SPIRE2: variants seen among roughly 807,000 people sequenced by gnomAD.
SPIRE2 encodes spire type actin nucleation factor 2.
SPIRE2 carries 76 observed loss-of-function variants against 80.7 expected under a neutral mutation model. The observed-to-expected ratio is 0.94, with a 90% CI of 0.78 to 1.14. SPIRE2 has a LOEUF of 1.14. SPIRE2 is among the 50% of genes most tolerant of loss of function. The probability of loss-of-function intolerance (pLI) is 0.00; values close to 1 mark genes in which losing one functional copy is unlikely to be tolerated. For synonymous variants in SPIRE2, 535 were observed against 432.6 expected (o/e 1.24, Z -2.94); for missense variants, 1,196 against 1,015.3 (o/e 1.18, Z -2.42).
rs116803486 is a variant in SPIRE2 at position 89,863,355 on chromosome 16, G to A, written c.1576-121G>A. ...ATGGACAAGATGGCTGATGGACAGC[G>A]TTTTAGAAGGTCGCAGGCTTGTTTA... On this transcript the variant is annotated intron_variant, in intron 10 of 14. Coordinates refer to ENST00000378247, the MANE Select transcript of SPIRE2 (RefSeq NM_032451.2). This position sits in a 1 kb window ranked among gnomAD's most constrained non-coding sequence, Gnocchi z 4.3. The A allele has an allele frequency of 2.9e-3, 3,146 of 1,088,460 alleles. 62 individuals carry two copies. The African/African-American group carries it at 0.043, about 15-fold the overall frequency. 67.4% of individuals were successfully genotyped at this position (1,088,460 alleles called of 1,614,324 possible). A position where few individuals can be genotyped will look rare whatever the true frequency, so the allele number is the denominator to read the frequency against.
intron 1 of SPIRE2, among the ~76,000 whole-genome samples, chr16:89,836,961 C>T (rs1411711333): frequency 6.6e-6 from 1 of 152,136 alleles, no homozygotes; most frequent in East Asian, 1.9e-4. Flanking sequence ...CGCCATTGCA[C>T]TCCAGCCTAG....
intron 3 of SPIRE2, 76 bp downstream of exon 3, chr16:89,850,736 A>G: frequency 9.1e-7 from 1 of 1,098,778 alleles, no homozygotes; most frequent in African/African-American, 1.7e-5. Context: ...GGGGACTGGC[A>G]AGGACGTCTC....
In SPIRE2 at chr16:89,870,465, T is replaced by G; in HGVS notation, c.*193T>G. ...TTCAGGCGCACTTCAAAACCCTCCC[T>G]GGGGGAGGCTGTTTCTTCTCAGGAT... On this transcript the variant is annotated 3_prime_UTR_variant, in exon 15 of 15. Coordinates refer to ENST00000378247, the MANE Select transcript of SPIRE2 (RefSeq NM_032451.2). 1 of 516,688 alleles carries G rather than the reference T, an allele frequency of 1.9e-6. No individual in the cohort carries two copies. The allele number at this position is 516,688 out of a possible 1,614,324, so 32.0% of individuals were successfully genotyped here. A position where few individuals can be genotyped will look rare whatever the true frequency, so the allele number is the denominator to read the frequency against.
intron 1 of SPIRE2, among the ~76,000 whole-genome samples, chr16:89,830,583 A>T (rs562451323): frequency 6.6e-6 from 1 of 151,034 alleles, no homozygotes; most frequent in South Asian, 2.1e-4. Flanking sequence ...ATGCATACTT[A>T]TTTCTCCCTG....
rs1042348449 is a variant in SPIRE2, at chr16:89,850,768, C to T, written c.645+108C>T. 3.2e-5 allele frequency: 25 copies of T among 787,028 alleles called. No homozygotes were observed. The Admixed American group carries it at 6.3e-4, about 20-fold the overall frequency. 48.8% of individuals were successfully genotyped at this position (787,028 alleles called of 1,614,324 possible). ...TCTCTTCGTGGACAGAAAGTCAGGTCGTCGGTGCGACTGCCGCTGGCATTA... is the reference window on the plus strand; with the variant it reads ...TCTCTTCGTGGACAGAAAGTCAGGTTGTCGGTGCGACTGCCGCTGGCATTA... On this transcript the variant is annotated intron_variant, in intron 3 of 14. Coordinates refer to ENST00000378247, the MANE Select transcript of SPIRE2 (RefSeq NM_032451.2).
chr16:89,855,151 G>A (rs966759003), intron 5 of SPIRE2, among the ~76,000 whole-genome samples: 3 of 152,262 alleles, frequency 2.0e-5, no homozygotes, highest in Non-Finnish European at 2.9e-5. Context: ...TGTTAGCCAC[G>A]ATGGTCTCGA....
chr16:89,864,593 C>T lies in SPIRE2; in HGVS notation c.1778+732C>T, dbSNP rs140518974. 2.9e-3 allele frequency among the ~76,000 whole-genome samples: 443 copies of T among 152,314 alleles called. 3 individuals carry two copies. The highest frequency in any genetic ancestry group is 0.01 in the African/African-American group (428 of 41,568). ...GATCTGAAGGGACGGTGCTCAGGGG[C>T]AGGAATGAGTAACATCGGTTTCCAC... On this transcript the variant is annotated intron_variant, in intron 12 of 14. Coordinates refer to ENST00000378247, the MANE Select transcript of SPIRE2 (RefSeq NM_032451.2).
At position 89,856,254 on chromosome 16, in the gene SPIRE2, A is replaced by C; in HGVS notation, c.1102+18A>C. 1 of 1,555,722 alleles carries C rather than the reference A, an allele frequency of 6.4e-7. No homozygotes were observed. The highest frequency in any genetic ancestry group is 8.7e-7 in the Non-Finnish European group (1 of 1,150,132). On this transcript the variant is annotated intron_variant, in intron 7 of 14. Coordinates refer to ENST00000378247, the MANE Select transcript of SPIRE2 (RefSeq NM_032451.2). The stretch of plus-strand genomic sequence containing the variant: ...TGCCCGCGGTGAGTGAGGGGATGGC[A>C]GGAGAAGAGAGCCCTGAGCCCCCGG...
intron 1 of SPIRE2, among the ~76,000 whole-genome samples, chr16:89,843,844 T>C: frequency 7.2e-6 from 1 of 139,476 alleles, no homozygotes; most frequent in Admixed American, 7.5e-5. Context: ...GGACTACATA[T>C]ATGCACTACC....
At position 89,863,632 on chromosome 16, in the gene SPIRE2, G is replaced by A. The variant is rs560948509; in HGVS notation, c.1710+22G>A. On this transcript the variant is annotated intron_variant, in intron 11 of 14. Transcript: ENST00000378247. This position sits in a 1 kb window ranked among gnomAD's most constrained non-coding sequence, Gnocchi z 4.3. Reference sequence around the variant, plus strand: ...GAAGGTGAGGCTGCCTAGACGTGGGGCTACGCTCTTGCCCGCTGGGTCAGG... The same window carrying A: ...GAAGGTGAGGCTGCCTAGACGTGGGACTACGCTCTTGCCCGCTGGGTCAGG... 1 of 1,614,056 alleles carries A rather than the reference G, an allele frequency of 6.2e-7. No individual in the cohort carries two copies. The highest frequency in any genetic ancestry group is 2.2e-5 in the East Asian group (1 of 44,894).
intron 1 of SPIRE2, among the ~76,000 whole-genome samples, chr16:89,835,889 T>C (rs1053881975): frequency 1.3e-5 from 2 of 151,938 alleles, no homozygotes; most frequent in African/African-American, 4.8e-5. Flanking sequence ...AAAAGGAGTG[T>C]ATGGGCCAGG....
intron 8 of SPIRE2, 100 bp downstream of exon 8, chr16:89,858,607 C>T (rs931373115): frequency 1.3e-5 from 15 of 1,193,010 alleles, no homozygotes; most frequent in Non-Finnish European, 1.5e-5. Context: ...GCAGCAATTG[C>T]GGTGTCTCCT....
intron 1 of SPIRE2, chr16:89,836,345 C>G: frequency 2.4e-6 from 1 of 421,764 alleles, no homozygotes; most frequent in South Asian, 1.6e-5. Context: ...CTTTAGGGGC[C>G]GTGATTCTGC....
Position 89,854,650 on chromosome 16 carries a change from T to C in SPIRE2, c.890T>C (p.Met297Thr). The C allele has an allele frequency of 6.2e-7, 1 of 1,611,284 alleles. No homozygotes were observed. Among genetic ancestry groups the C allele is most frequent in the East Asian group, 2.2e-5 (1 of 44,822 alleles). The change falls in exon 5 of 15, where the codon ATG becomes ACG. Residue 297 changes from methionine (M) to threonine (T), a missense_variant and splice_region_variant. Met to Thr is a moderately conservative substitution (Grantham distance 81, BLOSUM62 -1). Coordinates refer to ENST00000378247, the MANE Select transcript of SPIRE2 (RefSeq NM_032451.2). Reference sequence around the variant, plus strand: ...CGGAACTACAAGCTGCGCAAGGTCATGGTGAGCGGGGCAGACGCAGAGGGG... The same window carrying C: ...CGGAACTACAAGCTGCGCAAGGTCACGGTGAGCGGGGCAGACGCAGAGGGG... Reference protein sequence around the residue: ...RARNYKLRKVMVDGDIPPRVK... With the variant: ...RARNYKLRKVTVDGDIPPRVK...
At chr16:89,841,376 C>T (rs2041504028) in intron 1 of SPIRE2, among the ~76,000 whole-genome samples, 1 of 152,136 alleles carries the variant, frequency 6.6e-6, no homozygotes, top group South Asian at 2.1e-4. Context: ...CCTCCGTCTG[C>T]TCTACCCTGG....
At chr16:89,851,009 C>G (rs190532485) in intron 3 of SPIRE2, among the ~76,000 whole-genome samples, 1 of 151,926 alleles carries the variant, frequency 6.6e-6, no homozygotes, top group South Asian at 2.1e-4. Flanking sequence ...GTAGTAGAGA[C>G]GGGGTTTCAC....
chr16:89,870,293 T>C lies in SPIRE2; in HGVS notation c.*21T>C. On this transcript the variant is annotated 3_prime_UTR_variant, in exon 15 of 15. Coordinates refer to ENST00000378247, the MANE Select transcript of SPIRE2 (RefSeq NM_032451.2). ...AGTGACAGCCCCAGGTGGCCAGGCC[T>C]CCAGGAGGCACCAGGCAGGCCCTGT... The C allele has an allele frequency of 6.5e-7, 1 of 1,537,830 alleles. No individual in the cohort carries two copies. The highest frequency in any genetic ancestry group is 8.9e-7 in the Non-Finnish European group (1 of 1,127,976).
At chr16:89,850,246 G>T (rs527269762) in intron 2 of SPIRE2, 58 bp from the exon 3 acceptor site, 5 of 1,505,122 alleles carry the variant, frequency 3.3e-6, no homozygotes, top group Admixed American at 3.5e-5. Flanking sequence ...CACCAGCCGC[G>T]TTCTCCCCGC....
chr16:89,840,350 C>G (rs1321147601), intron 1 of SPIRE2, among the ~76,000 whole-genome samples: 1 of 150,012 alleles, frequency 6.7e-6, no homozygotes, highest in Non-Finnish European at 1.5e-5. Flanking sequence ...CCCGGGTTCA[C>G]ATCATTCTCC....
Sources: gnomAD v4.1 joint callset for allele counts (sites outside exome capture counted in the v4.1 genomes callset) on GRCh38, gnomAD v4.1.1 for gene constraint, Gnocchi (gnomAD v3.1) non-coding constraint, MANE v1.5 for transcripts, NCBI Gene and HGNC (gene_info 2026-07-23, HGNC 2026-07-21) for gene names.